The following PTTG1 variants were observed in gnomAD, a reference collection of about 807,000 sequenced individuals.
PTTG1 encodes the protein securin.
Under a neutral mutation model 20.0 loss-of-function variants are expected in PTTG1, and 8 were observed. That is an observed-to-expected ratio of 0.40 (90% confidence interval 0.23 to 0.72). The LOEUF (loss-of-function observed/expected upper bound fraction) is 0.72. Among genes scored for constraint, PTTG1 ranks in the 30% least tolerant of loss-of-function variants. The probability of loss-of-function intolerance (pLI) is 0.38; values close to 1 mark genes in which losing one functional copy is unlikely to be tolerated. For missense variants in PTTG1, 197 were observed against 236.0 expected, an observed-to-expected ratio of 0.83 and a Z score of 1.08; for synonymous variants, 79 against 87.2, an observed-to-expected ratio of 0.91 and a Z score of 0.52.
In PTTG1 at chr5:160,428,680, A is replaced by G. The variant is rs1765856511; in HGVS notation, c.608A>G (p.Ter203=). Residue 203 remains the stop codon, a stop_retained_variant, in exon 6 of 6, where the codon TAA becomes TGA. Transcript: ENST00000352433. ...LPPVCCDIDI[*] ...CCTGTTTGCTGTGACATAGATATTTAAATTTCTTAGTGCTTCAGAGTTTGT... is the reference window on the plus strand; with the variant it reads ...CCTGTTTGCTGTGACATAGATATTTGAATTTCTTAGTGCTTCAGAGTTTGT... 1 of 1,610,760 alleles carries G rather than the reference A, an allele frequency of 6.2e-7. No individual in the cohort carries two copies. Among genetic ancestry groups the G allele is most frequent in the South Asian group, 1.1e-5 (1 of 91,014 alleles).
At chr5:160,422,561 ATC>A in intron 2 of PTTG1, 146 bp from the exon 3 acceptor site, 1 of 1,039,170 alleles carries the variant, frequency 9.6e-7, no homozygotes, top group Non-Finnish European at 1.5e-6. Flanking sequence ...AAGTTACTGA[ATC>A]TCTGCTATTA....
chr5:160,428,693 C>G lies in PTTG1; in HGVS notation c.*12C>G. 2 of 1,600,408 alleles carry G rather than the reference C, an allele frequency of 1.2e-6. No individual in the cohort carries two copies. Among genetic ancestry groups the G allele is most frequent in the South Asian group, 1.1e-5 (1 of 90,794 alleles). ...ACATAGATATTTAAATTTCTTAGTG[C>G]TTCAGAGTTTGTGTGTATTTGTATT... is the stretch of plus-strand genomic sequence containing the variant. On this transcript the variant is annotated 3_prime_UTR_variant, in exon 6 of 6. Transcript: ENST00000352433.
chr5:160,426,618 C>T (rs1765813332), intron 4 of PTTG1, among the ~76,000 whole-genome samples: 1 of 152,218 alleles, frequency 6.6e-6, no homozygotes, highest in South Asian at 2.1e-4. Context: ...TACTGGTTCA[C>T]TGAGATATGT....
rs1239239733 is a variant in PTTG1, at chr5:160,427,628, C to T, written c.371-87C>T. 22 of 1,406,850 alleles carry T rather than the reference C, an allele frequency of 1.6e-5. No homozygotes were observed. The Admixed American group carries it at 3.1e-4, about 20-fold the overall frequency. 87.1% of individuals were successfully genotyped at this position (1,406,850 alleles called of 1,614,324 possible). A position where few individuals can be genotyped will look rare whatever the true frequency, so the allele number is the denominator to read the frequency against. ...TTGAAAATAGTTTTGACCTCATGGA[C>T]CCCCTCAAAGGGTCTCAGACCACAA... On this transcript the variant is annotated intron_variant, in intron 4 of 5. Coordinates refer to ENST00000352433, the MANE Select transcript of PTTG1 (RefSeq NM_004219.4).
Position 160,422,894 on chromosome 5 carries a change from G to T in PTTG1, c.276+1G>T. The T allele has an allele frequency of 1.2e-6, 2 of 1,614,010 alleles. No individual in the cohort carries two copies. The highest frequency in any genetic ancestry group is 1.7e-6 in the Non-Finnish European group (2 of 1,179,896). ...ACAGCCAAGCTTTTCTGCCAAAAAG[G>T]TAAGTGTTGGCTATAAAGACACTGT... On this transcript the variant is annotated splice_donor_variant, in intron 3 of 5. Coordinates refer to ENST00000352433, the MANE Select transcript of PTTG1 (RefSeq NM_004219.4). LOFTEE classifies it high-confidence loss of function.
intron 5 of PTTG1, 127 bp from the exon 6 acceptor site, chr5:160,428,475 G>A (rs944707298): frequency 6.3e-6 from 5 of 788,566 alleles, no homozygotes; most frequent in Non-Finnish European, 1.1e-5. Flanking sequence ...GTGTCAGGAG[G>A]GGATGCAGGT....
chr5:160,427,223 A>G (rs925312737), intron 4 of PTTG1, among the ~76,000 whole-genome samples: 2 of 152,210 alleles, frequency 1.3e-5, no homozygotes, highest in Admixed American at 6.5e-5. Flanking sequence ...TAATTCAAGT[A>G]AAAACAGTAT....
At position 160,428,533 on chromosome 5, in the gene PTTG1, T is replaced by C. The variant is rs750244238; in HGVS notation, c.530-69T>C. 6.8e-6 allele frequency: 9 copies of C among 1,330,462 alleles called. No individual in the cohort carries two copies. In the Admixed American group the frequency reaches 1.6e-4, roughly 23 times the overall value. 82.4% of individuals were successfully genotyped at this position (1,330,462 alleles called of 1,614,324 possible). A position where few individuals can be genotyped will look rare whatever the true frequency, so the allele number is the denominator to read the frequency against. ...ACATGAATTTTTGATTGACAGCTAA[T>C]GTCTATGTTGATATGGACAATGACT... On this transcript the variant is annotated intron_variant, in intron 5 of 5. Coordinates refer to ENST00000352433, the MANE Select transcript of PTTG1 (RefSeq NM_004219.4).
chr5:160,421,909 T>A lies in PTTG1; in HGVS notation c.-12+18T>A, dbSNP rs1765715031. 1 of 180,272 alleles carries A rather than the reference T, an allele frequency of 5.5e-6. No individual in the cohort carries two copies. 11.2% of individuals were successfully genotyped at this position (180,272 alleles called of 1,614,324 possible). ...AGACCTGCGTGAGTGAATGGGAGGG[T>A]CGCGGGTGGTTAGTTGAGCCGGCTC... On this transcript the variant is annotated intron_variant, in intron 1 of 5. Coordinates refer to ENST00000352433, the MANE Select transcript of PTTG1 (RefSeq NM_004219.4).
chr5:160,427,761 C>A lies in PTTG1; in HGVS notation c.417C>A (p.Leu139=). 1 of 1,614,176 alleles carries A rather than the reference C, an allele frequency of 6.2e-7. No homozygotes were observed. The part of the protein sequence containing the change: ...DLPEEHQIAH[L]PLSGVPLMIL... Reference sequence around the variant, plus strand: ...CTGAAGAGCACCAGATTGCGCACCTCCCCTTGAGTGGAGTGCCTCTCATGA... The same window carrying A: ...CTGAAGAGCACCAGATTGCGCACCTACCCTTGAGTGGAGTGCCTCTCATGA... The change falls in exon 5 of 6, where the codon CTC becomes CTA. Residue 139 remains leucine (L), a synonymous_variant. Transcript: ENST00000352433.
intron 4 of PTTG1, among the ~76,000 whole-genome samples, chr5:160,426,308 T>C (rs1204568971): frequency 1.3e-5 from 2 of 152,240 alleles, no homozygotes; most frequent in Non-Finnish European, 2.9e-5. Flanking sequence ...TTTGGCTTAA[T>C]ACAAGACAAC....
intron 4 of PTTG1, among the ~76,000 whole-genome samples, chr5:160,427,063 T>A (rs898146062): frequency 2.0e-5 from 3 of 152,208 alleles, no homozygotes; most frequent in Non-Finnish European, 2.9e-5. Flanking sequence ...ATTCATTTTT[T>A]AATTTTTGAC....
chr5:160,423,036 C>T, intron 3 of PTTG1, 143 bp downstream of exon 3: 1 of 810,820 alleles, frequency 1.2e-6, no homozygotes, highest in Non-Finnish European at 1.9e-6. Context: ...GGAGGAGACT[C>T]AGATTGTCCT....
At position 160,427,763 on chromosome 5, in the gene PTTG1, C is replaced by T; in HGVS notation, c.419C>T (p.Pro140Leu). 1 of 1,614,146 alleles carries T rather than the reference C, an allele frequency of 6.2e-7. No homozygotes were observed. ...LPEEHQIAHL[P>L]LSGVPLMILD... is the part of the protein sequence containing the mutation. ...GAAGAGCACCAGATTGCGCACCTCC[C>T]CTTGAGTGGAGTGCCTCTCATGATC... The change falls in exon 5 of 6, where the codon CCC becomes CTC. Residue 140 changes from proline (P) to leucine (L), a missense_variant. Coordinates refer to ENST00000352433, the MANE Select transcript of PTTG1 (RefSeq NM_004219.4).
At chr5:160,428,442 G>A (rs1175736939) in intron 5 of PTTG1, among the ~76,000 whole-genome samples, 160 bp from the exon 6 acceptor site, 1 of 152,174 alleles carries the variant, frequency 6.6e-6, no homozygotes, top group Non-Finnish European at 1.5e-5. Context: ...CAATTCTGGG[G>A]CCACAGACAC....
At chr5:160,426,018 T>C (rs1262173707) in intron 4 of PTTG1, among the ~76,000 whole-genome samples, 1 of 152,212 alleles carries the variant, frequency 6.6e-6, no homozygotes, top group African/African-American at 2.4e-5. Context: ...AGTAAGGTAC[T>C]TGGATTTTAA....
At chr5:160,422,270 C>T (rs1300493711) in intron 1 of PTTG1, 32 bp from the exon 2 acceptor site, 1 of 1,525,142 alleles carries the variant, frequency 6.6e-7, no homozygotes, top group Non-Finnish European at 9.1e-7. Context: ...TCCCACCTTC[C>T]CCAATATCTA....
At chr5:160,424,528 C>T (rs961658674) in intron 4 of PTTG1, 198 bp downstream of exon 4, 1 of 513,378 alleles carries the variant, frequency 1.9e-6, no homozygotes, top group Non-Finnish European at 3.5e-6. Flanking sequence ...GGAATAGGAA[C>T]AAAGATGTAG....
intron 4 of PTTG1, among the ~76,000 whole-genome samples, chr5:160,427,036 T>C (rs1765820773): frequency 1.3e-5 from 2 of 150,888 alleles, no homozygotes; most frequent in African/African-American, 2.4e-5. Context: ...AGTGAGACTC[T>C]GTCTCAAAAA....
Sources: allele counts gnomAD v4.1 joint callset (sites outside exome capture counted in the v4.1 genomes callset), GRCh38; gene constraint gnomAD v4.1.1; transcripts MANE v1.5; gene names NCBI Gene and HGNC (gene_info 2026-07-23, HGNC 2026-07-21).